The following BANK1 variants were observed in gnomAD, a reference collection of about 807,000 sequenced individuals.
The protein encoded by BANK1 is B cell scaffold protein with ankyrin repeats 1.
In BANK1, 95 loss-of-function variants were observed where a neutral mutation model predicts 94.5. That is an observed-to-expected ratio of 1.00 (90% confidence interval 0.85 to 1.19). The LOEUF is 1.19. Among genes scored for constraint, BANK1 ranks in the 50% most tolerant of loss-of-function variants. The pLI is 0.00. For synonymous variants in BANK1, 334 were observed against 308.4 expected, an observed-to-expected ratio of 1.08 and a Z score of -0.87; for missense variants, 987 against 932.2, an observed-to-expected ratio of 1.06 and a Z score of -0.77.
intron 10 of BANK1, among the ~76,000 whole-genome samples, chr4:102,038,078 C>T (rs1727576638): frequency 6.6e-6 from 1 of 152,122 alleles, no homozygotes; most frequent in Non-Finnish European, 1.5e-5. Flanking sequence ...TTTCAATCTG[C>T]ATTTATGTAA....
At chr4:101,817,846 AT>A (rs568970149) in intron 1 of BANK1, among the ~76,000 whole-genome samples, 7 of 149,790 alleles carry the variant, frequency 4.7e-5, no homozygotes, top group East Asian at 1.9e-4. Context: ...TTTTTTTGCA[AT>A]TTTTTTTTAG....
chr4:101,989,971 T>A (rs1725647875), intron 7 of BANK1, among the ~76,000 whole-genome samples: 1 of 152,156 alleles, frequency 6.6e-6, no homozygotes, highest in Admixed American at 6.6e-5. Context: ...ACCTTTCTTT[T>A]TTTCCCTCTT....
chr4:101,927,172 T>C (rs995439889), intron 7 of BANK1, among the ~76,000 whole-genome samples: 4 of 151,578 alleles, frequency 2.6e-5, no homozygotes, highest in African/African-American at 9.7e-5. Context: ...CTTACAATCA[T>C]GGCGGAAGGG....
intron 10 of BANK1, among the ~76,000 whole-genome samples, chr4:102,039,716 C>A (rs574608270): frequency 2.0e-5 from 3 of 152,186 alleles, no homozygotes; most frequent in African/African-American, 7.2e-5. Context: ...ATGACTGTGT[C>A]TTATTTACCT....
chr4:102,043,946 G>A, intron 11 of BANK1, 39 bp downstream of exon 11: 1 of 1,255,440 alleles, frequency 8.0e-7, no homozygotes. Context: ...TAATCTCTAG[G>A]TAAAATATCA....
rs141012776 is a variant in BANK1, at chr4:102,073,888, G to A, written c.*6-117G>A. 412 of 629,918 alleles carry A rather than the reference G, an allele frequency of 6.5e-4. No individual in the cohort carries two copies. The African/African-American group carries it at 6.7e-3, about 10-fold the overall frequency. 39.0% of individuals were successfully genotyped at this position (629,918 alleles called of 1,614,324 possible). ...GAAAGGATTAACATGTATTTTTCAAGCTAAAGGTGATTGCTCTGTAGAAAG... is the reference window on the plus strand; with the variant it reads ...GAAAGGATTAACATGTATTTTTCAAACTAAAGGTGATTGCTCTGTAGAAAG... On this transcript the variant is annotated intron_variant, in intron 16 of 16. Transcript: ENST00000322953.
rs796210616 is a variant in BANK1, at chr4:102,002,562, C to T, written c.1207-18952C>T. 9.8e-3 allele frequency among the ~76,000 whole-genome samples: 1,416 copies of T among 145,176 alleles called. 21 individuals are homozygous for T. Among genetic ancestry groups the T allele is most frequent in the African/African-American group, 0.024 (974 of 40,532 alleles). On this transcript the variant is annotated intron_variant, in intron 7 of 16. Transcript: ENST00000322953. ...ATACAAATACACACACACACACACA[C>T]ACACACACACACACACACACACACA...
intron 7 of BANK1, among the ~76,000 whole-genome samples, chr4:101,977,990 G>A (rs1346577050): frequency 4.0e-5 from 6 of 151,704 alleles, no homozygotes; most frequent in African/African-American, 9.7e-5. Context: ...TTGAGACGGA[G>A]TCTCACCCTG....
At chr4:101,906,536 G>A (rs1281794003) in intron 6 of BANK1, among the ~76,000 whole-genome samples, 1 of 152,118 alleles carries the variant, frequency 6.6e-6, no homozygotes, top group Admixed American at 6.5e-5. Context: ...AATAAGGAGG[G>A]GGTGCAGAAG....
At chr4:102,006,060 A>G (rs1726251684) in intron 7 of BANK1, among the ~76,000 whole-genome samples, 1 of 152,048 alleles carries the variant, frequency 6.6e-6, no homozygotes. Context: ...ATACACTACT[A>G]CACTTTACCT....
intron 7 of BANK1, among the ~76,000 whole-genome samples, chr4:102,000,209 G>C (rs2148936009): frequency 6.6e-6 from 1 of 151,110 alleles, no homozygotes; most frequent in South Asian, 2.1e-4. Flanking sequence ...TGTATTCCCA[G>C]CTACTCAGGA....
intron 6 of BANK1, among the ~76,000 whole-genome samples, chr4:101,910,872 G>C (rs1268464792): frequency 2.0e-5 from 3 of 152,070 alleles, no homozygotes; most frequent in Admixed American, 6.6e-5. Context: ...AAGTAGAAGA[G>C]TGTGGGATAA....
chr4:101,880,433 G>C (rs1451830896), intron 5 of BANK1, among the ~76,000 whole-genome samples: 1 of 151,600 alleles, frequency 6.6e-6, no homozygotes, highest in Non-Finnish European at 1.5e-5. Context: ...AAAATGAAGA[G>C]ATGAAAAAAT....
chr4:101,901,910 G>T (rs371251287), intron 6 of BANK1, among the ~76,000 whole-genome samples: 1 of 152,004 alleles, frequency 6.6e-6, no homozygotes, highest in Admixed American at 6.6e-5. Context: ...ACAGGCGCCC[G>T]CCAACACACC....
intron 4 of BANK1, among the ~76,000 whole-genome samples, chr4:101,862,877 T>C (rs1727933322): frequency 6.6e-6 from 1 of 152,064 alleles, no homozygotes; most frequent in African/African-American, 2.4e-5. Flanking sequence ...GTATACTGTG[T>C]AATGAAATGA....
intron 11 of BANK1, among the ~76,000 whole-genome samples, chr4:102,047,251 A>G (rs769246515): frequency 1.9e-4 from 29 of 152,294 alleles, no homozygotes; most frequent in Admixed American, 3.9e-4. Flanking sequence ...CACAACAGCA[A>G]GGTGGTACTT....
chr4:101,865,363 T>C (rs1224772796), intron 4 of BANK1, among the ~76,000 whole-genome samples: 2 of 151,912 alleles, frequency 1.3e-5, no homozygotes, highest in Non-Finnish European at 2.9e-5. Flanking sequence ...CTCCTGGGGG[T>C]AGTAGTTTTA....
At chr4:101,946,510 C>T (rs571807262) in intron 7 of BANK1, among the ~76,000 whole-genome samples, 8 of 152,026 alleles carry the variant, frequency 5.3e-5, no homozygotes, top group African/African-American at 1.2e-4. Flanking sequence ...TATTAGCAGA[C>T]GGCAAAATGC....
chr4:101,945,288 T>C (rs868555733), intron 7 of BANK1, among the ~76,000 whole-genome samples: 1 of 151,992 alleles, frequency 6.6e-6, no homozygotes, highest in Non-Finnish European at 1.5e-5. Context: ...CTGATTAAAT[T>C]ATTTTTTTCC....
Sources: gnomAD v4.1 joint callset for allele counts (sites outside exome capture counted in the v4.1 genomes callset) on GRCh38, gnomAD v4.1.1 for gene constraint, MANE v1.5 for transcripts, NCBI Gene and HGNC (gene_info 2026-07-23, HGNC 2026-07-21) for gene names.